ANK3: variants seen among roughly 807,000 people sequenced by gnomAD.
ANK3 encodes the protein ankyrin 3.
ANK3 carries 57 observed loss-of-function variants against 370.9 expected under a neutral mutation model. The ratio of observed to expected loss-of-function variants is 0.15; its 90% CI spans 0.12 to 0.19. ANK3 has a LOEUF of 0.19. Among genes scored for constraint, ANK3 ranks in the 10% least tolerant of loss-of-function variants. The pLI, the probability that ANK3 is intolerant of heterozygous loss-of-function variation, is 1.00. For missense variants in ANK3, 4,439 were observed against 5,302.1 expected (o/e 0.84, Z 5.06); for synonymous variants, 1,929 against 1,946.3 (o/e 0.99, Z 0.23).
In ANK3 at chr10:60,463,957, C is replaced by G. The variant is rs540017913; in HGVS notation, c.96+151229G>C. On this transcript the variant is annotated intron_variant, in intron 2 of 43. Transcript: ENST00000373827. The stretch of plus-strand genomic sequence containing the variant: ...GCTGAGGAGCTAAAAATGCTGTCTT[C>G]TTTGCCAAGAAATGTAATCCACTAA... Among the ~76,000 whole-genome samples the G allele has an allele frequency of 3.3e-5, 5 of 152,116 alleles. No homozygotes were observed. The East Asian group carries it at 9.7e-4, about 29-fold the overall frequency.
intron 1 of ANK3, among the ~76,000 whole-genome samples, chr10:60,648,211 G>A (rs532919321): frequency 1.5e-5 from 2 of 134,888 alleles, no homozygotes; most frequent in South Asian, 2.5e-4. Flanking sequence ...GGAGTGCCAT[G>A]GCACCATCTC....
At chr10:60,655,990 C>T (rs375372041) in intron 1 of ANK3, among the ~76,000 whole-genome samples, 2 of 152,138 alleles carry the variant, frequency 1.3e-5, no homozygotes, top group South Asian at 2.1e-4. Flanking sequence ...GGTATGTAGT[C>T]GACTATGCCA....
chr10:60,052,765 C>T (rs927024464), intron 42 of ANK3, among the ~76,000 whole-genome samples: 7 of 151,780 alleles, frequency 4.6e-5, no homozygotes, highest in Non-Finnish European at 1.0e-4. Context: ...TAATTCATTA[C>T]CTCAAATCTA....
chr10:60,187,230 A>G (rs1200770000), intron 16 of ANK3, among the ~76,000 whole-genome samples: 1 of 151,854 alleles, frequency 6.6e-6, no homozygotes, highest in African/African-American at 2.4e-5. Flanking sequence ...ATCTCGGCTC[A>G]CTGCAAGCTC....
intron 28 of ANK3, 93 bp from the exon 29 acceptor site, chr10:60,088,451 G>A (rs1175776963): frequency 1.8e-6 from 2 of 1,138,866 alleles, no homozygotes; most frequent in African/African-American, 1.6e-5. Flanking sequence ...TTGAGATGGA[G>A]TTTCACTCTT....
chr10:60,127,801 G>A (rs939452682), intron 25 of ANK3, among the ~76,000 whole-genome samples: 4 of 150,682 alleles, frequency 2.7e-5, no homozygotes, highest in Non-Finnish European at 5.9e-5. Flanking sequence ...TGGTTCAAGC[G>A]ATTTTCCTGC....
chr10:60,673,419 C>T (rs1837948), intron 1 of ANK3, among the ~76,000 whole-genome samples: 1 of 151,714 alleles, frequency 6.6e-6, no homozygotes, highest in South Asian at 2.1e-4. Flanking sequence ...GGTGCAATCT[C>T]GGCTCACTGC....
intron 40 of ANK3, chr10:60,062,550 A>T (rs561072380): frequency 6.6e-6 from 1 of 152,354 alleles, no homozygotes; most frequent in Non-Finnish European, 1.5e-5. Context: ...AAATGGCAGC[A>T]TATTCATGAA....
At chr10:60,529,074 G>A (rs1036398482) in intron 2 of ANK3, among the ~76,000 whole-genome samples, 1 of 151,996 alleles carries the variant, frequency 6.6e-6, no homozygotes. Flanking sequence ...ACCCTCAAAG[G>A]ATACTCACGA....
chr10:60,282,713 C>T (rs986520849), intron 1 of ANK3, among the ~76,000 whole-genome samples: 23 of 152,130 alleles, frequency 1.5e-4, no homozygotes, highest in African/African-American at 5.6e-4. Flanking sequence ...TAATTGACCA[C>T]CTCAGAATTT....
intron 8 of ANK3, among the ~76,000 whole-genome samples, chr10:60,219,174 T>C (rs546740367): frequency 6.6e-6 from 1 of 152,154 alleles, no homozygotes; most frequent in South Asian, 2.1e-4. Flanking sequence ...TAGTTAGCAA[T>C]TCCTCTAACC....
intron 39 of ANK3, 73 bp from the exon 40 acceptor site, chr10:60,063,327 G>A (rs2080981111): frequency 1.4e-6 from 2 of 1,450,374 alleles, no homozygotes; most frequent in Non-Finnish European, 1.8e-6. Context: ...TCTACACAAA[G>A]GCATGGCTTT....
chr10:60,208,148 T>C lies in ANK3; in HGVS notation c.1082A>G (p.Asp361Gly). Residue 361 changes from aspartate to glycine, a missense_variant, in exon 10 of 44, where the codon GAT becomes GGT. Physicochemically the swap from Asp to Gly is moderately conservative, Grantham distance 94. This residue lies in a region of ANK3 where 227 missense variants were observed against 377.6 expected (regional missense o/e 0.60). Coordinates refer to ENST00000280772, the MANE Select transcript of ANK3 (RefSeq NM_020987.5). ...AGTCAGGTAGTCATTGGTGACATCATCCACGGGTACATTATGCTGGAGGAG... is the reference window on the plus strand; with the variant it reads ...AGTCAGGTAGTCATTGGTGACATCACCCACGGGTACATTATGCTGGAGGAG... ...QLLLQHNVPVDDVTNDYLTAL... is the reference protein window; with the variant it reads ...QLLLQHNVPVGDVTNDYLTAL... 6.2e-7 allele frequency: 1 copy of C among 1,614,138 alleles called. No individual in the cohort carries two copies. Among genetic ancestry groups the C allele is most frequent in the Non-Finnish European group, 8.5e-7 (1 of 1,180,000 alleles).
intron 13 of ANK3, among the ~76,000 whole-genome samples, chr10:60,198,877 T>A (rs1184717525): frequency 6.6e-6 from 1 of 152,206 alleles, no homozygotes; most frequent in African/African-American, 2.4e-5. Flanking sequence ...GTAAAACTCA[T>A]ATACCTGGGA....
Position 60,345,409 on chromosome 10 carries a change from A to G in ANK3, c.114+44016T>C, listed in dbSNP as rs142926383. 7.8e-4 allele frequency among the ~76,000 whole-genome samples: 118 copies of G among 152,238 alleles called. 1 individual carries two copies. The highest frequency in any genetic ancestry group is 2.7e-3 in the African/African-American group (114 of 41,558). On this transcript the variant is annotated intron_variant, in intron 1 of 43. Transcript: ENST00000280772. Reference sequence around the variant, plus strand: ...TTATTGGTCATTTAGATTACCTGTTACCAACATTTTGCAAATATAAAGAGT... The same window carrying G: ...TTATTGGTCATTTAGATTACCTGTTGCCAACATTTTGCAAATATAAAGAGT...
chr10:60,210,679 G>A (rs1276836451), intron 9 of ANK3, among the ~76,000 whole-genome samples: 1 of 152,112 alleles, frequency 6.6e-6, no homozygotes, highest in Admixed American at 6.5e-5. Flanking sequence ...AATCTAGAAG[G>A]GCACACATGT....
At chr10:60,438,908 A>G (rs1410346677) in intron 2 of ANK3, among the ~76,000 whole-genome samples, 1 of 152,196 alleles carries the variant, frequency 6.6e-6, no homozygotes, top group African/African-American at 2.4e-5. Context: ...CCCTTTGGCC[A>G]TTTCACAGAA....
chr10:60,646,167 A>G (rs534547669), intron 1 of ANK3, among the ~76,000 whole-genome samples: 6 of 151,452 alleles, frequency 4.0e-5, no homozygotes, highest in Non-Finnish European at 7.4e-5. Context: ...GAAAAAAAAG[A>G]AAAAAAAAGC....
chr10:60,056,095 A>G (rs2079105123), intron 41 of ANK3, 59 bp from the exon 42 acceptor site: 1 of 1,526,322 alleles, frequency 6.6e-7, no homozygotes, highest in African/African-American at 1.4e-5. Flanking sequence ...TAGGTTGCAG[A>G]AACTCTAAAG....
Sources: allele counts gnomAD v4.1 joint callset (sites outside exome capture counted in the v4.1 genomes callset), GRCh38; gene constraint gnomAD v4.1.1; regional missense constraint gnomAD v4.1.1; transcripts MANE v1.5; gene names NCBI Gene and HGNC (gene_info 2026-07-23, HGNC 2026-07-21).